Variants in PAN3 observed in about 807,000 individuals in gnomAD.
PAN3 encodes the protein poly(A) specific ribonuclease subunit PAN3, also known as PAN2-PAN3 deadenylation complex subunit PAN3.
Under a neutral mutation model 96.2 loss-of-function variants are expected in PAN3, and 19 were observed. The observed-to-expected ratio is 0.20, with a 90% CI of 0.14 to 0.29. PAN3 has a LOEUF of 0.29. Ranked by LOEUF, PAN3 falls within the 10% of genes least tolerant of loss-of-function variation. The probability of loss-of-function intolerance (pLI) is 1.00; values close to 1 mark genes in which losing one functional copy is unlikely to be tolerated. For synonymous variants in PAN3, 433 were observed against 406.6 expected, an observed-to-expected ratio of 1.06 and a Z score of -0.78; for missense variants, 882 against 1,108.1, an observed-to-expected ratio of 0.80 and a Z score of 2.90.
In PAN3 at chr13:28,167,114, G is replaced by A. The variant is rs1267436640; in HGVS notation, c.431-7158G>A. 3.6e-5 allele frequency among the ~76,000 whole-genome samples: 5 copies of A among 140,142 alleles called. No individual in the cohort carries two copies. The East Asian group carries it at 8.2e-4, about 23-fold the overall frequency. 91.9% of individuals were successfully genotyped at this position (140,142 alleles called of 152,430 possible). On this transcript the variant is annotated intron_variant, in intron 1 of 18. Coordinates refer to ENST00000380958, the MANE Select transcript of PAN3 (RefSeq NM_175854.8). ...TTTTTTTTTTTTTTTTAGAGATGAG[G>A]CCTCGCTATGTTGCCCAGGCTGGTC...
At chr13:28,230,310 ATAAAT>A (rs1882407558) in intron 6 of PAN3, among the ~76,000 whole-genome samples, 1 of 152,110 alleles carries the variant, frequency 6.6e-6, no homozygotes, top group South Asian at 2.1e-4. Context: ...GAGACAAAAT[ATAAAT>A]TAGTTACTAT....
At chr13:28,221,465 A>C (rs1881404446) in intron 6 of PAN3, among the ~76,000 whole-genome samples, 1 of 152,200 alleles carries the variant, frequency 6.6e-6, no homozygotes, top group African/African-American at 2.4e-5. Context: ...TTAGTAAGTA[A>C]ATCGTTGATT....
At chr13:28,261,066 C>T (rs1048762293) in intron 8 of PAN3, among the ~76,000 whole-genome samples, 10 of 152,052 alleles carry the variant, frequency 6.6e-5, no homozygotes, top group African/African-American at 2.4e-4. Flanking sequence ...GTGAGTTCTA[C>T]CAGTATAGTG....
intron 13 of PAN3, among the ~76,000 whole-genome samples, chr13:28,271,389 T>G (rs1886610306): frequency 1.3e-5 from 2 of 152,214 alleles, no homozygotes; most frequent in Non-Finnish European, 2.9e-5. Context: ...AATTTTGTGA[T>G]TGTCTTGGGC....
chr13:28,147,335 T>G (rs1870796298), intron 1 of PAN3, among the ~76,000 whole-genome samples: 2 of 149,146 alleles, frequency 1.3e-5, no homozygotes, highest in Non-Finnish European at 2.9e-5. Context: ...CGACTTCCAG[T>G]TTTTGACTTT....
intron 18 of PAN3, among the ~76,000 whole-genome samples, chr13:28,291,686 C>T (rs559620217): frequency 1.2e-4 from 18 of 152,186 alleles, no homozygotes; most frequent in South Asian, 6.2e-4. Flanking sequence ...AAAATATTAG[C>T]TGGGCGTGGT....
chr13:28,211,198 G>C (rs965485807), intron 5 of PAN3, among the ~76,000 whole-genome samples: 5 of 152,098 alleles, frequency 3.3e-5, no homozygotes, highest in African/African-American at 1.2e-4. Flanking sequence ...GCCATGCCTG[G>C]CTGGGTCTCA....
chr13:28,198,981 AAAGAT>A (rs1357699164), intron 5 of PAN3, among the ~76,000 whole-genome samples: 1 of 152,262 alleles, frequency 6.6e-6, no homozygotes, highest in African/African-American at 2.4e-5. Flanking sequence ...AATATTTTCT[AAAGAT>A]AAGAAAAGAC....
intron 5 of PAN3, chr13:28,215,425 G>T: frequency 1.4e-6 from 1 of 709,998 alleles, no homozygotes; most frequent in South Asian, 1.6e-5. Flanking sequence ...TCTTCTTGGA[G>T]ACATTATGGG....
chr13:28,245,654 A>G (rs1228749375), intron 6 of PAN3, among the ~76,000 whole-genome samples: 1 of 152,226 alleles, frequency 6.6e-6, no homozygotes, highest in African/African-American at 2.4e-5. Flanking sequence ...AGGAAACTGT[A>G]TCTGTTAACC....
chr13:28,193,701 C>T (rs1877574639), intron 4 of PAN3, among the ~76,000 whole-genome samples: 1 of 146,460 alleles, frequency 6.8e-6, no homozygotes, highest in Non-Finnish European at 1.5e-5. Flanking sequence ...TGAGATTGCA[C>T]CACTGCACTC....
intron 1 of PAN3, among the ~76,000 whole-genome samples, chr13:28,172,807 A>G (rs1874473852): frequency 2.0e-5 from 3 of 152,186 alleles, no homozygotes; most frequent in South Asian, 4.1e-4. Context: ...CTGTAATCCC[A>G]ACACTTATAG....
chr13:28,204,715 G>T (rs1458586031), intron 5 of PAN3, among the ~76,000 whole-genome samples: 1 of 152,094 alleles, frequency 6.6e-6, no homozygotes, highest in Non-Finnish European at 1.5e-5. Flanking sequence ...GAAAGGTTCT[G>T]GGAAATGTAT....
At chr13:28,144,543 C>G (rs536258337) in intron 1 of PAN3, among the ~76,000 whole-genome samples, 10 of 151,566 alleles carry the variant, frequency 6.6e-5, no homozygotes. Context: ...GAGGAAAACT[C>G]GAGGGATAAC....
intron 6 of PAN3, chr13:28,232,623 A>T (rs1223140042): frequency 1.3e-5 from 2 of 151,886 alleles, no homozygotes; most frequent in Admixed American, 6.5e-5. Flanking sequence ...TTTTTAAAAA[A>T]TTTATAAAGA....
chr13:28,198,596 A>T (rs1252045131), intron 5 of PAN3, among the ~76,000 whole-genome samples: 1 of 152,214 alleles, frequency 6.6e-6, no homozygotes, highest in Non-Finnish European at 1.5e-5. Flanking sequence ...TTTATATGCC[A>T]TTTTAATCTG....
chr13:28,152,652 T>C (rs1195312206), intron 1 of PAN3, among the ~76,000 whole-genome samples: 1 of 152,154 alleles, frequency 6.6e-6, no homozygotes, highest in African/African-American at 2.4e-5. Flanking sequence ...AGACGAACAT[T>C]CAGTGTTTGC....
chr13:28,182,938 T>C (rs1197738443), intron 4 of PAN3, among the ~76,000 whole-genome samples: 2 of 152,318 alleles, frequency 1.3e-5, no homozygotes, highest in East Asian at 3.9e-4. Context: ...TTCTAAAGTC[T>C]TCCTTTGAAA....
At chr13:28,235,196 G>T (rs957580050) in intron 6 of PAN3, among the ~76,000 whole-genome samples, 16 of 151,948 alleles carry the variant, frequency 1.1e-4, no homozygotes, top group African/African-American at 3.9e-4. Flanking sequence ...TTCCATGGCT[G>T]GTTCCTTCTC....
Sources: allele counts gnomAD v4.1 joint callset (sites outside exome capture counted in the v4.1 genomes callset), GRCh38; gene constraint gnomAD v4.1.1; transcripts MANE v1.5; gene names NCBI Gene and HGNC (gene_info 2026-07-23, HGNC 2026-07-21).